The following RSAD2 variants were observed in gnomAD, a reference collection of about 807,000 sequenced individuals.
RSAD2 encodes S-adenosylmethionine-dependent nucleotide dehydratase RSAD2.
A neutral mutation model predicts 37.7 loss-of-function variants in RSAD2; 38 were observed. The observed-to-expected ratio is 1.01, with a 90% CI of 0.78 to 1.32. The LOEUF is 1.32. Ranked by LOEUF, RSAD2 falls within the 40% of genes most tolerant of loss-of-function variation. The pLI is 0.00. For missense variants in RSAD2, 428 were observed against 437.5 expected (o/e 0.98, Z 0.19); for synonymous variants, 163 against 157.4 (o/e 1.04, Z -0.27).
chr2:6,885,204 A>C (rs777875238), intron 2 of RSAD2, among the ~76,000 whole-genome samples: 3 of 152,212 alleles, frequency 2.0e-5, no homozygotes, highest in Non-Finnish European at 2.9e-5. Context: ...GTCCTTCTCC[A>C]TCCCAGGCCT....
chr2:6,888,815 C>T (rs1170770552), intron 3 of RSAD2, among the ~76,000 whole-genome samples: 3 of 152,196 alleles, frequency 2.0e-5, no homozygotes, highest in Admixed American at 1.3e-4. Context: ...GGTGCCTGTT[C>T]TTAGTCCAAT....
At chr2:6,877,768 A>G (rs1320359545), upstream of RSAD2, 2 of 1,531,736 alleles carry the variant, frequency 1.3e-6, no homozygotes, top group Admixed American at 3.6e-5. Flanking sequence ...TCCCTGGCAT[A>G]CAGAGACTGC....
At chr2:6,880,568 AC>A (rs891644534) in intron 1 of RSAD2, among the ~76,000 whole-genome samples, 2 of 152,198 alleles carry the variant, frequency 1.3e-5, no homozygotes, top group Admixed American at 6.5e-5. Flanking sequence ...CCATTGTATG[AC>A]AGTGAAGTTT....
At position 6,883,716 on chromosome 2, in the gene RSAD2, T is replaced by C. The variant is rs1663462249; in HGVS notation, c.508+184T>C. The stretch of plus-strand genomic sequence containing the variant: ...CGGCATTATGGCAGTTTTAGTTCCT[T>C]AGGGCTCTCAGTAAACAAGTTTGGC... On this transcript the variant is annotated intron_variant, in intron 2 of 5. Coordinates refer to ENST00000382040, the MANE Select transcript of RSAD2 (RefSeq NM_080657.5). The C allele has an allele frequency of 6.2e-6, 4 of 643,788 alleles. No individual in the cohort carries two copies. The East Asian group carries it at 1.1e-4, about 18-fold the overall frequency. 39.9% of individuals were successfully genotyped at this position (643,788 alleles called of 1,614,324 possible). A position where few individuals can be genotyped will look rare whatever the true frequency, so the allele number is the denominator to read the frequency against.
intron 4 of RSAD2, among the ~76,000 whole-genome samples, chr2:6,893,398 T>C (rs1663669370): frequency 6.6e-6 from 1 of 152,148 alleles, no homozygotes; most frequent in East Asian, 1.9e-4. Context: ...GAAATTGCCT[T>C]GGGGTTCAAT....
At chr2:6,872,763 C>A (rs1312651442) in intron 1 of RSAD2, among the ~76,000 whole-genome samples, 2 of 152,106 alleles carry the variant, frequency 1.3e-5, no homozygotes, top group Non-Finnish European at 2.9e-5. Flanking sequence ...GAAAAGAAAT[C>A]GTATATGAGT....
At chr2:6,890,116 G>T in intron 3 of RSAD2, 60 bp from the exon 4 acceptor site, 1 of 1,570,814 alleles carries the variant, frequency 6.4e-7, no homozygotes, top group South Asian at 1.2e-5. Context: ...GGGGAGTGAG[G>T]TTTGGGGGAA....
chr2:6,890,687 G>A (rs755715474), intron 4 of RSAD2, among the ~76,000 whole-genome samples: 4 of 152,098 alleles, frequency 2.6e-5, no homozygotes, highest in Admixed American at 6.5e-5. Context: ...AAGAACTAAC[G>A]AACGCCACTC....
rs1663327693 is a variant in RSAD2, at chr2:6,878,243, T to G, written c.346+97T>G. The G allele has an allele frequency of 4.1e-6, 4 of 983,894 alleles. No homozygotes were observed. The Admixed American group carries it at 8.2e-5, about 20-fold the overall frequency. The allele number at this position is 983,894 out of a possible 1,614,324, so 60.9% of individuals were successfully genotyped here. A position where few individuals can be genotyped will look rare whatever the true frequency, so the allele number is the denominator to read the frequency against. ...GGGGGTATGCACAAGCTGGAGAGCT[T>G]CTCCAAAGCTTGAGGTCACCATTTA... On this transcript the variant is annotated intron_variant, in intron 1 of 5. Coordinates refer to ENST00000382040, the MANE Select transcript of RSAD2 (RefSeq NM_080657.5).
At position 6,895,829 on chromosome 2, in the gene RSAD2, C is replaced by T. The variant is rs1018217654; in HGVS notation, c.973C>T (p.Leu325=). 6.2e-7 allele frequency: 1 copy of T among 1,614,028 alleles called. No individual in the cohort carries two copies. Among genetic ancestry groups the T allele is most frequent in the African/African-American group, 1.3e-5 (1 of 74,936 alleles). The change falls in exon 6 of 6, where the codon CTG becomes TTG. Residue 325 remains leucine, a synonymous_variant. Coordinates refer to ENST00000382040, the MANE Select transcript of RSAD2 (RefSeq NM_080657.5). The part of the protein sequence containing the change: ...KGRKDPSKSI[L]DVGVEEAIKF... ...ACGGAAGGACCCTTCCAAGTCCATC[C>T]TGGATGTTGGTGTAGAAGAAGCTAT... is the stretch of plus-strand genomic sequence containing the variant.
chr2:6,871,827 T>C (rs899695255), intron 1 of RSAD2, among the ~76,000 whole-genome samples: 25 of 152,334 alleles, frequency 1.6e-4, no homozygotes, highest in African/African-American at 6.0e-4. Context: ...TTAGTAATTT[T>C]TAGGTGGATA....
intron 1 of RSAD2, among the ~76,000 whole-genome samples, chr2:6,867,519 G>A (rs1663123161): frequency 6.6e-6 from 1 of 152,138 alleles, no homozygotes; most frequent in South Asian, 2.1e-4. Flanking sequence ...ATACTGTGAG[G>A]CACTGGGGGC....
At chr2:6,877,718 T>G (rs1663309218), upstream of RSAD2, 2 of 1,019,008 alleles carry the variant, frequency 2.0e-6, no homozygotes, top group Non-Finnish European at 2.8e-6. Flanking sequence ...AATGACAGGT[T>G]GCTCAGAGAC....
chr2:6,883,311 G>T (rs1035174630), intron 1 of RSAD2, 60 bp from the exon 2 acceptor site: 6 of 1,514,056 alleles, frequency 4.0e-6, no homozygotes, highest in Non-Finnish European at 5.4e-6. Context: ...TACTACTTTT[G>T]CTATTAAAAT....
rs771911503 is a variant in RSAD2 at position 6,886,923 on chromosome 2, A to T, written c.509-12A>T. 5 of 1,606,396 alleles carry T rather than the reference A, an allele frequency of 3.1e-6. No homozygotes were observed. The African/African-American group carries it at 4.0e-5, about 13-fold the overall frequency. ...TGGATAGAAAAGTTTAAACATGATC[A>T]TTTTCCCTCAGGTGAGTATTTGGAC... is the stretch of plus-strand genomic sequence containing the variant. On this transcript the variant is annotated splice_polypyrimidine_tract_variant and intron_variant, in intron 2 of 5. Coordinates refer to ENST00000382040, the MANE Select transcript of RSAD2 (RefSeq NM_080657.5).
Position 6,895,880 on chromosome 2 carries a change from A to G in RSAD2, c.1024A>G (p.Met342Val), listed in dbSNP as rs771475110. 7 of 1,614,198 alleles carry G rather than the reference A, an allele frequency of 4.3e-6. No individual in the cohort carries two copies. The Admixed American group carries it at 1.0e-4, about 23-fold the overall frequency. Residue 342 changes from methionine (M) to valine (V), a missense_variant, in exon 6 of 6, where the codon ATG becomes GTG. Physicochemically the swap from Met to Val is conservative, Grantham distance 21. Transcript: ENST00000382040. ...AAAATTCAGTGGATTTGATGAAAAG[A>G]TGTTTCTGAAGCGAGGAGGAAAATA... The part of the protein sequence containing the change: ...AIKFSGFDEK[M>V]FLKRGGKYIW...
Position 6,895,938 on chromosome 2 carries a change from G to T in RSAD2, c.1082G>T (p.Trp361Leu), listed in dbSNP as rs966643035. 4 of 1,613,160 alleles carry T rather than the reference G, an allele frequency of 2.5e-6. 1 individual carries two copies. The African/African-American group carries it at 4.0e-5, about 16-fold the overall frequency. The change falls in exon 6 of 6, where the codon TGG becomes TTG. Residue 361 changes from tryptophan to leucine, a missense_variant. Transcript: ENST00000382040. The part of the protein sequence containing the change: ...IWSKADLKLD[W>L] ...AGTAAGGCTGATCTGAAGCTGGATT[G>T]GTAGAGCGGAAAGTGGAACGAGACT... is the stretch of plus-strand genomic sequence containing the variant.
intron 3 of RSAD2, among the ~76,000 whole-genome samples, chr2:6,888,391 C>T (rs1663564553): frequency 2.0e-5 from 3 of 152,218 alleles, no homozygotes; most frequent in African/African-American, 7.2e-5. Context: ...TGGAGAAAAG[C>T]TAAAGAGAGA....
chr2:6,880,026 T>G (rs1311004354), intron 1 of RSAD2, among the ~76,000 whole-genome samples: 4 of 152,158 alleles, frequency 2.6e-5, no homozygotes, highest in Non-Finnish European at 5.9e-5. Context: ...CAAGTGAATG[T>G]TCATGTATTT....
Sources: allele counts gnomAD v4.1 joint callset (sites outside exome capture counted in the v4.1 genomes callset), GRCh38; gene constraint gnomAD v4.1.1; transcripts MANE v1.5; gene names NCBI Gene and HGNC (gene_info 2026-07-23, HGNC 2026-07-21).